The following SH3GLB1 variants were observed in gnomAD, a reference collection of about 807,000 sequenced individuals.
SH3GLB1 encodes SH3 domain containing GRB2 like, endophilin B1.
A neutral mutation model predicts 42.0 loss-of-function variants in SH3GLB1; 17 were observed. The ratio of observed to expected loss-of-function variants is 0.40; its 90% CI spans 0.28 to 0.61. SH3GLB1 has a LOEUF of 0.61. SH3GLB1 is among the 20% of genes least tolerant of loss of function. The probability of loss-of-function intolerance (pLI) is 0.36; values close to 1 mark genes in which losing one functional copy is unlikely to be tolerated. For missense variants in SH3GLB1, 355 were observed against 426.3 expected (o/e 0.83, Z 1.47); for synonymous variants, 132 against 146.6 (o/e 0.90, Z 0.72).
At chr1:86,723,513 C>CA (rs991269294) in intron 4 of SH3GLB1, among the ~76,000 whole-genome samples, 6 of 151,168 alleles carry the variant, frequency 4.0e-5, no homozygotes, top group Admixed American at 2.0e-4. Flanking sequence ...GACTCCATCT[C>CA]AAAAAAAGTG....
intron 5 of SH3GLB1, among the ~76,000 whole-genome samples, chr1:86,730,547 T>C (rs150612866): frequency 0.011 from 1,615 of 152,220 alleles, 39 homozygotes; most frequent in African/African-American, 0.037. Flanking sequence ...TCGCCCAGGC[T>C]GGAGTGCAGT....
At position 86,745,128 on chromosome 1, in the gene SH3GLB1, C is replaced by A. The variant is rs562697712; in HGVS notation, c.*1893C>A. 6.6e-6 allele frequency: 1 copy of A among 152,158 alleles called. No homozygotes were observed. The highest frequency in any genetic ancestry group is 1.5e-5 in the Non-Finnish European group (1 of 68,032). 9.4% of individuals were successfully genotyped at this position (152,158 alleles called of 1,614,324 possible). The stretch of plus-strand genomic sequence containing the variant: ...TGTAGTAATACAGGGGAAAGAATAT[C>A]GGTAATGGAGTGAAATGGTCCTGGG... On this transcript the variant is annotated 3_prime_UTR_variant, in exon 9 of 9. Coordinates refer to ENST00000370558, the MANE Select transcript of SH3GLB1 (RefSeq NM_016009.5).
intron 5 of SH3GLB1, chr1:86,728,602 CA>C: frequency 1.9e-6 from 1 of 537,104 alleles, no homozygotes; most frequent in Non-Finnish European, 3.2e-6. Context: ...TCTTTAACAA[CA>C]AAAATATAAG....
intron 7 of SH3GLB1, among the ~76,000 whole-genome samples, chr1:86,736,295 C>A (rs6670782): frequency 0.045 from 6,826 of 152,164 alleles, 361 homozygotes; most frequent in African/African-American, 0.13. Flanking sequence ...AAAATCGTTT[C>A]AAGGAATAAG....
In SH3GLB1 at chr1:86,742,313, C is replaced by G; in HGVS notation, c.867C>G (p.Gly289=). The change falls in exon 8 of 9, where the codon GGC becomes GGG. Residue 289 remains glycine (G), a synonymous_variant. Coordinates refer to ENST00000370558, the MANE Select transcript of SH3GLB1 (RefSeq NM_016009.5). Reference sequence around the variant, plus strand: ...CTTCTGCCATGGCTTCAACAAGTGGCCTAGTAATCACCTCTCCTTCCAACC... The same window carrying G: ...CTTCTGCCATGGCTTCAACAAGTGGGCTAGTAATCACCTCTCCTTCCAACC... The part of the protein sequence containing the change: ...IGSSAMASTS[G]LVITSPSNLS... 1 of 1,614,094 alleles carries G rather than the reference C, an allele frequency of 6.2e-7. No individual in the cohort carries two copies. Among genetic ancestry groups the G allele is most frequent in the African/African-American group, 1.3e-5 (1 of 75,028 alleles).
Position 86,742,227 on chromosome 1 carries a change from A to G in SH3GLB1, c.781A>G (p.Ser261Gly), listed in dbSNP as rs200898007. 3.1e-6 allele frequency: 5 copies of G among 1,613,996 alleles called. No individual in the cohort carries two copies. Among genetic ancestry groups the G allele is most frequent in the Non-Finnish European group, 4.2e-6 (5 of 1,179,874 alleles). Residue 261 changes from serine (S) to glycine (G), a missense_variant, in exon 8 of 9, where the codon AGT becomes GGT. Ser to Gly is a moderately conservative substitution (Grantham distance 56). Coordinates refer to ENST00000370558, the MANE Select transcript of SH3GLB1 (RefSeq NM_016009.5). Reference protein sequence around the residue: ...QLGSFPSNYLSNNNQTSVTPV... With the variant: ...QLGSFPSNYLGNNNQTSVTPV... ...CAACAGTTTTCCATCCAATTATCTTAGTAACAACAATCAGACTTCTGTGAC... is the reference window on the plus strand; with the variant it reads ...CAACAGTTTTCCATCCAATTATCTTGGTAACAACAATCAGACTTCTGTGAC...
rs535405794 is a variant in SH3GLB1, at chr1:86,734,822, C to T, written c.660+131C>T. On this transcript the variant is annotated intron_variant, in intron 6 of 8. Coordinates refer to ENST00000370558, the MANE Select transcript of SH3GLB1 (RefSeq NM_016009.5). ...AAATTGTTCTACTTTCCAATATATC[C>T]GAATAAATATTTTAAATTGTTGTTT... 118 of 666,002 alleles carry T rather than the reference C, an allele frequency of 1.8e-4. No homozygotes were observed. The African/African-American group carries it at 1.9e-3, about 11-fold the overall frequency. 41.3% of individuals were successfully genotyped at this position (666,002 alleles called of 1,614,324 possible).
intron 5 of SH3GLB1, among the ~76,000 whole-genome samples, chr1:86,726,281 T>C (rs1300948861): frequency 6.6e-6 from 1 of 152,072 alleles, no homozygotes. Flanking sequence ...ACCGTCTGCT[T>C]TTCTACCTGG....
chr1:86,726,483 G>A (rs1655200613), intron 5 of SH3GLB1, among the ~76,000 whole-genome samples: 1 of 151,744 alleles, frequency 6.6e-6, no homozygotes, highest in African/African-American at 2.4e-5. Flanking sequence ...TATTTTTGAG[G>A]ATAAAGGTTT....
At chr1:86,741,647 ATTTCATCT>A (rs1656063066) in intron 7 of SH3GLB1, among the ~76,000 whole-genome samples, 2 of 152,228 alleles carry the variant, frequency 1.3e-5, no homozygotes, top group Non-Finnish European at 2.9e-5. Context: ...GAATAGTATC[ATTTCATCT>A]TACGTCTTCT....
chr1:86,714,723 G>A (rs1654411021), intron 1 of SH3GLB1, among the ~76,000 whole-genome samples: 1 of 152,166 alleles, frequency 6.6e-6, no homozygotes, highest in African/African-American at 2.4e-5. Flanking sequence ...TCAGCCAGAA[G>A]TGAGTCATTA....
intron 3 of SH3GLB1, among the ~76,000 whole-genome samples, chr1:86,721,272 T>C (rs1654842957): frequency 6.6e-6 from 1 of 152,198 alleles, no homozygotes; most frequent in Non-Finnish European, 1.5e-5. Context: ...AGTATATATA[T>C]TTACATATTA....
chr1:86,705,199 G>T (rs1653772726), intron 1 of SH3GLB1, among the ~76,000 whole-genome samples: 1 of 152,070 alleles, frequency 6.6e-6, no homozygotes, highest in African/African-American at 2.4e-5. Flanking sequence ...GGGTGGGGAC[G>T]GGGCCGGGAG....
rs1653738148 is a variant in SH3GLB1, at chr1:86,704,954, C to T, written c.55C>T (p.Leu19Phe). Residue 19 changes from leucine to phenylalanine, a missense_variant, in exon 1 of 9, where the codon CTC (leucine) becomes TTC (phenylalanine). Transcript: ENST00000370558. The part of the protein sequence containing the change: ...KKLAADAGTF[L>F]SRAVQFTEEK... ...GCTGGCGGCCGACGCAGGCACCTTC[C>T]TCAGTCGCGCCGTGCAGGTACCCTG... is the stretch of plus-strand genomic sequence containing the variant. The T allele has an allele frequency of 6.3e-7, 1 of 1,584,542 alleles. No individual in the cohort carries two copies. The highest frequency in any genetic ancestry group is 2.4e-5 in the East Asian group (1 of 41,024).
intron 1 of SH3GLB1, among the ~76,000 whole-genome samples, chr1:86,714,368 A>T (rs1451895666): frequency 1.3e-5 from 2 of 152,196 alleles, no homozygotes; most frequent in Admixed American, 6.5e-5. Flanking sequence ...CTCCAGCTAC[A>T]CTGCAAGTTT....
Position 86,704,905 on chromosome 1 carries a change from T to A in SH3GLB1, c.6T>A (p.Asn2Lys). 1 of 1,581,038 alleles carries A rather than the reference T, an allele frequency of 6.3e-7. No homozygotes were observed. Among genetic ancestry groups the A allele is most frequent in the Non-Finnish European group, 8.6e-7 (1 of 1,166,194 alleles). The part of the protein sequence containing the change: M[N>K]IMDFNVKKLA... ...CCGCCCGGCTGCCGCCTAGGATGAA[T>A]ATCATGGACTTCAACGTGAAGAAGC... Residue 2 changes from asparagine (N) to lysine (K), a missense_variant, in exon 1 of 9, where the codon AAT becomes AAA. Coordinates refer to ENST00000370558, the MANE Select transcript of SH3GLB1 (RefSeq NM_016009.5).
chr1:86,711,585 A>G (rs912141093), intron 1 of SH3GLB1, among the ~76,000 whole-genome samples: 1 of 152,128 alleles, frequency 6.6e-6, no homozygotes, highest in Non-Finnish European at 1.5e-5. Flanking sequence ...ACTGCCATCT[A>G]TTCATTAAAA....
chr1:86,728,614 G>GA (rs1258814848), intron 5 of SH3GLB1: 2 of 513,886 alleles, frequency 3.9e-6, no homozygotes, highest in Non-Finnish European at 6.8e-6. Flanking sequence ...AAAATATAAG[G>GA]AAAAAATACT....
At chr1:86,737,994 C>G (rs1286962538) in intron 7 of SH3GLB1, among the ~76,000 whole-genome samples, 2 of 152,152 alleles carry the variant, frequency 1.3e-5, no homozygotes, top group African/African-American at 4.8e-5. Context: ...CGACTTTGGT[C>G]TTTACTCAGA....
Sources: allele counts gnomAD v4.1 joint callset (sites outside exome capture counted in the v4.1 genomes callset), GRCh38; gene constraint gnomAD v4.1.1; transcripts MANE v1.5; gene names NCBI Gene and HGNC (gene_info 2026-07-23, HGNC 2026-07-21).